Variants in CAMKMT observed in about 807,000 individuals in gnomAD.
CAMKMT encodes the protein calmodulin-lysine N-methyltransferase, also known as CaM KMT.
CAMKMT carries 53 observed loss-of-function variants against 48.0 expected under a neutral mutation model. The observed-to-expected ratio is 1.10, with a 90% CI of 0.89 to 1.39. CAMKMT has a LOEUF of 1.39. Ranked by LOEUF, CAMKMT falls within the 40% of genes most tolerant of loss-of-function variation. The pLI, the probability that CAMKMT is intolerant of heterozygous loss-of-function variation, is 0.00. For synonymous variants in CAMKMT, 165 were observed against 152.3 expected, an observed-to-expected ratio of 1.08 and a Z score of -0.61; for missense variants, 428 against 402.7, an observed-to-expected ratio of 1.06 and a Z score of -0.54.
At chr2:44,766,295 C>A (rs1308581838) in intron 9 of CAMKMT, 135 bp from the exon 10 acceptor site, 1 of 857,668 alleles carries the variant, frequency 1.2e-6, no homozygotes, top group Non-Finnish European at 1.8e-6. Flanking sequence ...TGTGAATGTC[C>A]ATCCTGCATA....
At chr2:44,398,567 CT>C (rs10711902) in intron 3 of CAMKMT, among the ~76,000 whole-genome samples, 79,834 of 125,612 alleles carry the variant, frequency 0.64, 23,732 homozygotes, top group South Asian at 0.74. Context: ...CTTTTCTTTT[CT>C]TTTTTTTTTT....
chr2:44,448,980 A>G (rs1667151216), intron 3 of CAMKMT, among the ~76,000 whole-genome samples: 1 of 152,272 alleles, frequency 6.6e-6, no homozygotes, highest in South Asian at 2.1e-4. Context: ...TCGTGCAGGA[A>G]ACTAGGGAGT....
intron 3 of CAMKMT, among the ~76,000 whole-genome samples, chr2:44,407,629 A>G (rs867876590): frequency 3.9e-5 from 6 of 152,126 alleles, no homozygotes; most frequent in South Asian, 4.1e-4. Context: ...AGTTTACTTT[A>G]TTTGGTACTA....
chr2:44,497,229 G>A (rs998451583), intron 3 of CAMKMT, among the ~76,000 whole-genome samples: 2 of 152,052 alleles, frequency 1.3e-5, no homozygotes, highest in Non-Finnish European at 2.9e-5. Context: ...ACTACACATC[G>A]CTGTTTCACA....
intron 7 of CAMKMT, among the ~76,000 whole-genome samples, chr2:44,735,174 C>T (rs1428637042): frequency 6.6e-6 from 1 of 152,192 alleles, no homozygotes; most frequent in Non-Finnish European, 1.5e-5. Flanking sequence ...CTCCAGCTTT[C>T]TTTTGACTAG....
chr2:44,668,065 C>T (rs1675104468), intron 3 of CAMKMT, among the ~76,000 whole-genome samples: 1 of 152,198 alleles, frequency 6.6e-6, no homozygotes, highest in African/African-American at 2.4e-5. Flanking sequence ...TGAATAATGA[C>T]CACAGATCTC....
rs377682581 is a variant in CAMKMT at position 44,539,597 on chromosome 2, G to A, written c.376+149292G>A. ...GCTATTTTTCTTATGCTAGTGTCCAGTTCACAATCATGCCTTTCCTTTGCT... is the reference window on the plus strand; with the variant it reads ...GCTATTTTTCTTATGCTAGTGTCCAATTCACAATCATGCCTTTCCTTTGCT... On this transcript the variant is annotated intron_variant, in intron 3 of 10. Transcript: ENST00000378494. 2.0e-4 allele frequency among the ~76,000 whole-genome samples: 30 copies of A among 152,142 alleles called. No individual in the cohort carries two copies. The East Asian group carries it at 3.3e-3, about 17-fold the overall frequency.
intron 2 of CAMKMT, among the ~76,000 whole-genome samples, chr2:44,388,639 C>T (rs186726660): frequency 1.2e-4 from 19 of 152,216 alleles, no homozygotes; most frequent in African/African-American, 4.1e-4. Flanking sequence ...GGGTAGGCTC[C>T]GTCAGAGGGA....
intron 3 of CAMKMT, among the ~76,000 whole-genome samples, chr2:44,600,939 C>T: frequency 6.6e-6 from 1 of 152,018 alleles, no homozygotes; most frequent in Non-Finnish European, 1.5e-5. Flanking sequence ...TAGAGTGTGT[C>T]AAGACAATGA....
chr2:44,542,590 A>G (rs755289419), intron 3 of CAMKMT, among the ~76,000 whole-genome samples: 18 of 151,954 alleles, frequency 1.2e-4, no homozygotes, highest in Admixed American at 6.6e-4. Flanking sequence ...ATTTCTATAC[A>G]TGTGTAAAGA....
intron 3 of CAMKMT, among the ~76,000 whole-genome samples, chr2:44,457,953 A>G (rs549025483): frequency 8.6e-5 from 13 of 151,886 alleles, no homozygotes; most frequent in African/African-American, 2.9e-4. Flanking sequence ...CAGCCTGCAC[A>G]TTAGTGTAAA....
At chr2:44,474,413 C>T (rs1462817578) in intron 3 of CAMKMT, among the ~76,000 whole-genome samples, 2 of 147,528 alleles carry the variant, frequency 1.4e-5, no homozygotes, top group Non-Finnish European at 3.0e-5. Context: ...TGCCATTGCA[C>T]TCCAGCCTGG....
intron 3 of CAMKMT, among the ~76,000 whole-genome samples, chr2:44,673,857 G>A (rs575314757): frequency 6.6e-6 from 1 of 152,134 alleles, no homozygotes; most frequent in Non-Finnish European, 1.5e-5. Context: ...TCTTCAGGGT[G>A]GGAACAAACA....
intron 10 of CAMKMT, among the ~76,000 whole-genome samples, chr2:44,767,084 G>A (rs1268428133): frequency 6.6e-6 from 1 of 152,162 alleles, no homozygotes; most frequent in African/African-American, 2.4e-5. Context: ...ACAAGATTTA[G>A]GTCAAAAGCA....
intron 3 of CAMKMT, among the ~76,000 whole-genome samples, chr2:44,699,795 C>T (rs763048986): frequency 4.6e-5 from 7 of 152,158 alleles, no homozygotes; most frequent in Admixed American, 2.0e-4. Flanking sequence ...TTCTTAAAGG[C>T]GCTATGATTT....
Position 44,479,207 on chromosome 2 carries a change from T to A in CAMKMT, c.376+88902T>A, listed in dbSNP as rs75360131. 3.2e-3 allele frequency among the ~76,000 whole-genome samples: 492 copies of A among 152,320 alleles called. 7 individuals are homozygous for A. The highest frequency in any genetic ancestry group is 0.029 in the East Asian group (149 of 5,182). ...GTAATAAATTCTAGAAAGATGGGAC[T>A]AATTATGGTAACAGACATTTTATAC... On this transcript the variant is annotated intron_variant, in intron 3 of 10. Coordinates refer to ENST00000378494, the MANE Select transcript of CAMKMT (RefSeq NM_024766.5).
At chr2:44,484,225 C>T (rs566245460) in intron 3 of CAMKMT, among the ~76,000 whole-genome samples, 6 of 150,290 alleles carry the variant, frequency 4.0e-5, no homozygotes, top group East Asian at 2.0e-4. Context: ...AACTGACAAA[C>T]GATTTTAACG....
intron 3 of CAMKMT, among the ~76,000 whole-genome samples, chr2:44,427,753 A>G (rs570579538): frequency 1.3e-5 from 2 of 152,132 alleles, no homozygotes; most frequent in Non-Finnish European, 2.9e-5. Flanking sequence ...AATATACCAG[A>G]TTTGTATTAT....
intron 1 of CAMKMT, among the ~76,000 whole-genome samples, chr2:44,368,775 A>C (rs1678872799): frequency 6.6e-6 from 1 of 152,254 alleles, no homozygotes; most frequent in African/African-American, 2.4e-5. Flanking sequence ...TATTTTTAAA[A>C]ATTTAATACT....
Sources: allele counts gnomAD v4.1 joint callset (sites outside exome capture counted in the v4.1 genomes callset), GRCh38; gene constraint gnomAD v4.1.1; transcripts MANE v1.5; gene names NCBI Gene and HGNC (gene_info 2026-07-23, HGNC 2026-07-21).